Variants in SCAP observed in about 807,000 individuals in gnomAD.
SCAP encodes SREBF chaperone, also known as sterol regulatory element-binding protein cleavage-activating protein.
Under a neutral mutation model 123.6 loss-of-function variants are expected in SCAP, and 65 were observed. The ratio of observed to expected loss-of-function variants is 0.53; its 90% confidence interval spans 0.43 to 0.65. The LOEUF is 0.65. Among genes scored for constraint, SCAP ranks in the 30% least tolerant of loss-of-function variants. The probability of loss-of-function intolerance (pLI) is 0.00; values close to 1 mark genes in which losing one functional copy is unlikely to be tolerated. For missense variants in SCAP, 1,398 were observed against 1,712.5 expected (o/e 0.82, Z 3.24); for synonymous variants, 740 against 726.3 (o/e 1.02, Z -0.30).
intron 1 of SCAP, among the ~76,000 whole-genome samples, chr3:47,460,059 T>C (rs1707572727): frequency 6.6e-6 from 1 of 152,234 alleles, no homozygotes; most frequent in African/African-American, 2.4e-5. Flanking sequence ...TTATAGGCTC[T>C]CTGCAAGAAG....
At chr3:47,434,925 C>T (rs1414283830) in intron 3 of SCAP, 83 bp downstream of exon 3, 3 of 1,580,404 alleles carry the variant, frequency 1.9e-6, no homozygotes, top group Non-Finnish European at 2.6e-6. Context: ...GCTGACCAAC[C>T]TCAATCTCAC....
At chr3:47,440,847 C>T (rs1035930974) in intron 2 of SCAP, among the ~76,000 whole-genome samples, 3 of 151,800 alleles carry the variant, frequency 2.0e-5, no homozygotes, top group African/African-American at 7.3e-5. Context: ...GCAACGGAAG[C>T]GAGACCCTGT....
intron 1 of SCAP, among the ~76,000 whole-genome samples, chr3:47,447,697 AAAG>A (rs1285098044): frequency 4.6e-5 from 7 of 151,406 alleles, no homozygotes; most frequent in African/African-American, 1.5e-4. Context: ...TCAAAAAAAA[AAAG>A]AAAAGAAAAG....
chr3:47,433,038 C>A (rs954779798), intron 3 of SCAP, among the ~76,000 whole-genome samples: 3 of 152,146 alleles, frequency 2.0e-5, no homozygotes, highest in Non-Finnish European at 4.4e-5. Context: ...TTGGGAAGAC[C>A]AAAAGTGAAG....
In SCAP at chr3:47,417,225, G is replaced by A. The variant is rs1415759754; in HGVS notation, c.2971-18C>T. 2 of 1,612,722 alleles carry A rather than the reference G, an allele frequency of 1.2e-6. No homozygotes were observed. The highest frequency in any genetic ancestry group is 3.3e-5 in the Admixed American group (2 of 59,994). On this transcript the variant is annotated intron_variant, in intron 17 of 22. Coordinates refer to ENST00000265565, the MANE Select transcript of SCAP (RefSeq NM_012235.4). The stretch of plus-strand genomic sequence containing the variant: ...TCCCACACCTACGAGTCCAGAGGCT[G>A]TGAGCACCTGCCAGCCAGAAAGGCC...
intron 3 of SCAP, 65 bp downstream of exon 3, chr3:47,434,942 AC>A (rs749474668): frequency 1.2e-5 from 20 of 1,607,850 alleles, no homozygotes; most frequent in Non-Finnish European, 1.7e-6. Flanking sequence ...TCACTGGCAG[AC>A]CCCTGCCTCA....
In SCAP at chr3:47,441,027, G is replaced by A. The variant is rs544702477; in HGVS notation, c.122+1845C>T. On this transcript the variant is annotated intron_variant, in intron 2 of 22. Transcript: ENST00000265565. ...AGTGATTCTCCTGCCTCAGCCTCCCGAGTGGCGGGGACTACAGGTGCAGGC... is the reference window on the plus strand; with the variant it reads ...AGTGATTCTCCTGCCTCAGCCTCCCAAGTGGCGGGGACTACAGGTGCAGGC... Among the ~76,000 whole-genome samples the A allele has an allele frequency of 1.2e-4, 18 of 151,820 alleles. No homozygotes were observed. The South Asian group carries it at 2.3e-3, about 19-fold the overall frequency.
In SCAP at chr3:47,443,079, C is replaced by G; in HGVS notation, c.-86G>C. The G allele has an allele frequency of 6.3e-7, 1 of 1,592,906 alleles. No individual in the cohort carries two copies. The highest frequency in any genetic ancestry group is 8.6e-7 in the Non-Finnish European group (1 of 1,169,374). On this transcript the variant is annotated 5_prime_UTR_variant, in exon 2 of 23. The change abolishes an upstream ATG in the 5' untranslated region. Transcript: ENST00000265565. Reference sequence around the variant, plus strand: ...ACTTGACAGCACTGACAAAGAACAACATGTGCAGGTACCTGGTAAGAAGGG... The same window carrying G: ...ACTTGACAGCACTGACAAAGAACAAGATGTGCAGGTACCTGGTAAGAAGGG...
At chr3:47,460,410 A>G (rs1707586917) in intron 1 of SCAP, among the ~76,000 whole-genome samples, 1 of 152,204 alleles carries the variant, frequency 6.6e-6, no homozygotes, top group Non-Finnish European at 1.5e-5. Flanking sequence ...GAAATTATAA[A>G]AGTATTAATT....
chr3:47,454,727 G>A (rs1256557402), intron 1 of SCAP, among the ~76,000 whole-genome samples: 1 of 151,868 alleles, frequency 6.6e-6, no homozygotes. Context: ...CAGCCCAGAT[G>A]ACAGAGACTC....
At chr3:47,438,909 C>T (rs1180936876) in intron 2 of SCAP, among the ~76,000 whole-genome samples, 1 of 151,856 alleles carries the variant, frequency 6.6e-6, no homozygotes, top group Non-Finnish European at 1.5e-5. Flanking sequence ...TTAGACTATA[C>T]ATGTTTTTGG....
chr3:47,418,632 C>A (rs1282555972), intron 14 of SCAP, 23 bp downstream of exon 14: 1 of 1,561,052 alleles, frequency 6.4e-7, no homozygotes, highest in South Asian at 1.2e-5. Context: ...TCTTTCCCAC[C>A]CCACCCCACC....
At chr3:47,425,427 G>A in intron 8 of SCAP, 58 bp downstream of exon 8, 1 of 1,559,892 alleles carries the variant, frequency 6.4e-7, no homozygotes, top group South Asian at 1.2e-5. Context: ...ACCCAGAAGT[G>A]CAAGGCTCTC....
intron 3 of SCAP, among the ~76,000 whole-genome samples, chr3:47,432,880 G>A (rs1440608751): frequency 1.3e-5 from 2 of 152,122 alleles, no homozygotes; most frequent in African/African-American, 2.4e-5. Flanking sequence ...GCAAGGTGCT[G>A]ACAACAACAA....
intron 1 of SCAP, among the ~76,000 whole-genome samples, chr3:47,472,275 T>C (rs1467413898): frequency 1.4e-5 from 2 of 146,124 alleles, no homozygotes; most frequent in African/African-American, 2.5e-5. Flanking sequence ...CTACTAAAAA[T>C]ACAAAAAAAT....
Position 47,414,986 on chromosome 3 carries a change from T to A in SCAP, c.3147A>T (p.Pro1049=). 2 of 1,590,612 alleles carry A rather than the reference T, an allele frequency of 1.3e-6. No homozygotes were observed. The highest frequency in any genetic ancestry group is 4.5e-5 in the East Asian group (2 of 44,696). ...GAGAGGCAGGGGAACTGCCCCGCCCTGGGGTCCCTGAGGACAAAAGGCCAA... is the reference window on the plus strand; with the variant it reads ...GAGAGGCAGGGGAACTGCCCCGCCCAGGGGTCCCTGAGGACAAAAGGCCAA... ...ALSPLQFRGT[P]GRGSSPASPV... The change falls in exon 20 of 23, where the codon CCA becomes CCT. Residue 1049 remains proline, a synonymous_variant. Transcript: ENST00000265565.
chr3:47,430,335 G>A (rs771646275), intron 3 of SCAP, among the ~76,000 whole-genome samples: 13 of 152,182 alleles, frequency 8.5e-5, no homozygotes, highest in Non-Finnish European at 1.8e-4. Context: ...TAACAGGGAT[G>A]TAAATGACAA....
rs1163835995 is a variant in SCAP at position 47,439,270 on chromosome 3, G to A, written c.122+3602C>T. On this transcript the variant is annotated intron_variant, in intron 2 of 22. Coordinates refer to ENST00000265565, the MANE Select transcript of SCAP (RefSeq NM_012235.4). This position sits in a 1 kb window ranked among gnomAD's most constrained non-coding sequence, Gnocchi z 4.0. The stretch of plus-strand genomic sequence containing the variant: ...CTAAAAATACAAAAAATAGCCGGAC[G>A]TGGTGGCTCACACCTGTAATCCCAG... Among the ~76,000 whole-genome samples the A allele has an allele frequency of 6.6e-6, 1 of 152,040 alleles. No homozygotes were observed. Among genetic ancestry groups the A allele is most frequent in the Admixed American group, 6.6e-5 (1 of 15,260 alleles).
intron 13 of SCAP, 152 bp from the exon 14 acceptor site, chr3:47,418,995 C>T: frequency 3.4e-6 from 3 of 885,700 alleles, no homozygotes; most frequent in South Asian, 3.7e-5. Context: ...AGAGGTAGGT[C>T]CCTCCCCAGC....
Sources: gnomAD v4.1 joint callset for allele counts (sites outside exome capture counted in the v4.1 genomes callset) on GRCh38, gnomAD v4.1.1 for gene constraint, Gnocchi (gnomAD v3.1) non-coding constraint, MANE v1.5 for transcripts, NCBI Gene and HGNC (gene_info 2026-07-23, HGNC 2026-07-21) for gene names.